The following PPARGC1A variants were observed in gnomAD, a reference collection of about 807,000 sequenced individuals.
PPARGC1A encodes the protein peroxisome proliferator-activated receptor gamma coactivator 1-alpha.
A neutral mutation model predicts 88.7 loss-of-function variants in PPARGC1A; 25 were observed. The observed-to-expected ratio is 0.28, with a 90% CI of 0.21 to 0.39. PPARGC1A has a LOEUF of 0.39. Among genes scored for constraint, PPARGC1A ranks in the 10% least tolerant of loss-of-function variants. The pLI, the probability that PPARGC1A is intolerant of heterozygous loss-of-function variation, is 1.00. For missense variants in PPARGC1A, 880 were observed against 968.7 expected (o/e 0.91, Z 1.22); for synonymous variants, 363 against 355.6 (o/e 1.02, Z -0.24).
chr4:24,222,551 A>G, the PPARGC1A span, among the ~76,000 whole-genome samples: 1 of 152,232 alleles, frequency 6.6e-6, no homozygotes, highest in Admixed American at 6.5e-5. Flanking sequence ...TAAAGTGATT[A>G]CACTGAATCC....
chr4:24,134,862 C>T, the PPARGC1A span, among the ~76,000 whole-genome samples: 3,518 of 152,298 alleles, frequency 0.023, 137 homozygotes, highest in African/African-American at 0.08. Flanking sequence ...GCCTTGGCAC[C>T]TGGCTGGCAC....
chr4:24,061,453 G>C, the PPARGC1A span, among the ~76,000 whole-genome samples: 562 of 152,272 alleles, frequency 3.7e-3, 2 homozygotes, highest in Non-Finnish European at 6.1e-3. Flanking sequence ...TACTTCCTTT[G>C]GGCTCCTACC....
chr4:24,141,473 G>A, the PPARGC1A span, among the ~76,000 whole-genome samples: 1 of 152,232 alleles, frequency 6.6e-6, no homozygotes, highest in African/African-American at 2.4e-5. Flanking sequence ...CTCTGCCAAG[G>A]TATGCACATC....
At chr4:24,072,592 C>A in the PPARGC1A span, among the ~76,000 whole-genome samples, 4 of 152,002 alleles carry the variant, frequency 2.6e-5, no homozygotes, top group African/African-American at 9.7e-5. Flanking sequence ...AGATCAACAA[C>A]CCCCCAAAAT....
At chr4:24,389,222 A>T in the PPARGC1A span, among the ~76,000 whole-genome samples, 1,889 of 152,288 alleles carry the variant, frequency 0.012, 40 homozygotes, top group African/African-American at 0.044. Flanking sequence ...GTCTGTTGTT[A>T]ACAGGCCTTG....
intron 12 of PPARGC1A, among the ~76,000 whole-genome samples, chr4:23,796,826 A>G (rs1717698656): frequency 6.6e-6 from 1 of 152,146 alleles, no homozygotes; most frequent in African/African-American, 2.4e-5. Context: ...AAGGAAAACA[A>G]AACCATTCTG....
chr4:24,261,821 C>G, the PPARGC1A span, among the ~76,000 whole-genome samples: 11 of 152,288 alleles, frequency 7.2e-5, no homozygotes, highest in Admixed American at 5.9e-4. Context: ...CACCTCCCCA[C>G]CTCCAACACA....
At chr4:23,965,142 A>G in the PPARGC1A span, among the ~76,000 whole-genome samples, 2 of 152,110 alleles carry the variant, frequency 1.3e-5, no homozygotes, top group Non-Finnish European at 2.9e-5. Context: ...TCTTCATCTC[A>G]AAGACTCTCT....
chr4:24,189,995 A>G, the PPARGC1A span, among the ~76,000 whole-genome samples: 2 of 152,180 alleles, frequency 1.3e-5, no homozygotes, highest in Non-Finnish European at 2.9e-5. Context: ...GATGCAATAA[A>G]TAAATTCTTG....
At chr4:23,911,709 G>A in the PPARGC1A span, among the ~76,000 whole-genome samples, 4 of 152,188 alleles carry the variant, frequency 2.6e-5, no homozygotes, top group African/African-American at 9.6e-5. Flanking sequence ...AAGTCAATAT[G>A]AATTTCACCA....
chr4:24,471,768 T>G, the PPARGC1A span, among the ~76,000 whole-genome samples: 40 of 152,308 alleles, frequency 2.6e-4, 1 homozygote, highest in South Asian at 4.6e-3. The surrounding 1 kb of genome is among the most constrained non-coding windows in gnomAD (Gnocchi z 5.4). Flanking sequence ...GTTTGTGGGG[T>G]GCTTCTGTGC....
intron 2 of PPARGC1A, among the ~76,000 whole-genome samples, chr4:23,838,606 CTTA>C (rs1338254753): frequency 6.6e-6 from 1 of 152,134 alleles, no homozygotes; most frequent in African/African-American, 2.4e-5. Flanking sequence ...TGAGAGTTAG[CTTA>C]TTCTTATTTT....
chr4:24,370,597 T>C, the PPARGC1A span, among the ~76,000 whole-genome samples: 2 of 152,058 alleles, frequency 1.3e-5, no homozygotes, highest in African/African-American at 4.8e-5. Flanking sequence ...GGCTTCATTG[T>C]AGATTGGATC....
At chr4:23,908,517 GAA>G (rs5856806), upstream of PPARGC1A, among the ~76,000 whole-genome samples, 535 of 146,924 alleles carry the variant, frequency 3.6e-3, no homozygotes, top group African/African-American at 0.011. Flanking sequence ...TAGGGAACAG[GAA>G]AAAAAAAAAA....
the PPARGC1A span, among the ~76,000 whole-genome samples, chr4:24,405,125 AAAAAT>A: frequency 1.3e-5 from 2 of 152,342 alleles, no homozygotes; most frequent in African/African-American, 4.8e-5. Context: ...CCCAGGGATG[AAAAAT>A]AAAATAAAAA....
At chr4:24,471,889 A>C in the PPARGC1A span, among the ~76,000 whole-genome samples, 2 of 152,132 alleles carry the variant, frequency 1.3e-5, no homozygotes, top group African/African-American at 4.8e-5. This position sits in a 1 kb window ranked among gnomAD's most constrained non-coding sequence, Gnocchi z 5.4. Flanking sequence ...CATTTTAGGG[A>C]AAGAGGCGGC....
chr4:23,814,085 G>T lies in PPARGC1A; in HGVS notation c.1398C>A (p.Phe466Leu), dbSNP rs754478980. The T allele has an allele frequency of 6.2e-7, 1 of 1,614,100 alleles. No homozygotes were observed. The highest frequency in any genetic ancestry group is 8.5e-7 in the Non-Finnish European group (1 of 1,179,996). ...CAAAAACAGCTTGACTGGGATGACC[G>T]AAGTGCTTGTTCAGCTCGGCTCGGA... Reference protein sequence around the residue: ...QEIRAELNKHFGHPSQAVFDD... With the variant: ...QEIRAELNKHLGHPSQAVFDD... Residue 466 changes from phenylalanine (F) to leucine (L), a missense_variant, in exon 8 of 13, where the codon TTC becomes TTA. Coordinates refer to ENST00000264867, the MANE Select transcript of PPARGC1A (RefSeq NM_013261.5).
chr4:24,399,536 A>T, the PPARGC1A span, among the ~76,000 whole-genome samples: 2 of 152,200 alleles, frequency 1.3e-5, no homozygotes, highest in African/African-American at 4.8e-5. Flanking sequence ...GAAGTTAACT[A>T]ATTTATCACC....
chr4:24,428,132 A>G, the PPARGC1A span, among the ~76,000 whole-genome samples: 1 of 151,766 alleles, frequency 6.6e-6, no homozygotes, highest in African/African-American at 2.4e-5. Flanking sequence ...TCCAAAAAAA[A>G]AAAAAGAATT....
Sources: gnomAD v4.1 joint callset for allele counts (sites outside exome capture counted in the v4.1 genomes callset) on GRCh38, gnomAD v4.1.1 for gene constraint, Gnocchi (gnomAD v3.1) non-coding constraint, MANE v1.5 for transcripts, NCBI Gene and HGNC (gene_info 2026-07-23, HGNC 2026-07-21) for gene names.